Variants in SGMS1 observed in about 807,000 individuals in gnomAD.
SGMS1 encodes the protein sphingomyelin synthase 1.
A neutral mutation model predicts 46.2 loss-of-function variants in SGMS1; 13 were observed. The observed-to-expected ratio is 0.28, with a 90% CI of 0.18 to 0.45. SGMS1 has a LOEUF of 0.45. Among genes scored for constraint, SGMS1 ranks in the 20% least tolerant of loss-of-function variants. The pLI, the probability that SGMS1 is intolerant of heterozygous loss-of-function variation, is 1.00. For missense variants in SGMS1, 324 were observed against 519.9 expected (o/e 0.62, Z 3.66); for synonymous variants, 203 against 187.8 (o/e 1.08, Z -0.66).
intron 3 of SGMS1, among the ~76,000 whole-genome samples, chr10:50,507,934 A>G (rs1471888329): frequency 6.6e-6 from 1 of 152,174 alleles, no homozygotes; most frequent in Non-Finnish European, 1.5e-5. Flanking sequence ...CTCTGGTTAC[A>G]GTAAGCCTCA....
At chr10:50,443,097 G>A (rs950198716) in intron 5 of SGMS1, among the ~76,000 whole-genome samples, 1 of 152,144 alleles carries the variant, frequency 6.6e-6, no homozygotes, top group Non-Finnish European at 1.5e-5. Context: ...TTCCATAAAT[G>A]TATATAGGAA....
chr10:50,544,901 A>G (rs151147669), intron 2 of SGMS1, among the ~76,000 whole-genome samples: 12 of 152,302 alleles, frequency 7.9e-5, no homozygotes, highest in African/African-American at 2.9e-4. Context: ...ATGTGTTCCA[A>G]CTATTGATAC....
chr10:50,624,121 G>T, upstream of SGMS1: 1 of 985,426 alleles, frequency 1.0e-6, no homozygotes, highest in Non-Finnish European at 1.2e-6. Flanking sequence ...GACAGTCGCA[G>T]TTTGGGCCCC....
intron 3 of SGMS1, among the ~76,000 whole-genome samples, chr10:50,474,450 C>T (rs915881441): frequency 3.3e-5 from 5 of 152,118 alleles, no homozygotes; most frequent in African/African-American, 1.2e-4. Context: ...AATCTCAGTA[C>T]AGGCACCCTG....
chr10:50,565,852 A>T (rs951802405), intron 2 of SGMS1, among the ~76,000 whole-genome samples: 2 of 152,232 alleles, frequency 1.3e-5, no homozygotes, highest in African/African-American at 4.8e-5. Flanking sequence ...CGTGACGATC[A>T]GGTGCTCCCA....
At chr10:50,477,686 T>C (rs1196933336) in intron 3 of SGMS1, among the ~76,000 whole-genome samples, 1 of 152,144 alleles carries the variant, frequency 6.6e-6, no homozygotes, top group Non-Finnish European at 1.5e-5. Context: ...GGGTGTGGTT[T>C]CTAATGGTTT....
chr10:50,622,418 A>G (rs1320087789), intron 1 of SGMS1, among the ~76,000 whole-genome samples: 1 of 152,162 alleles, frequency 6.6e-6, no homozygotes, highest in Non-Finnish European at 1.5e-5. Flanking sequence ...CCCCAGTGCC[A>G]GGAAGCGTGG....
intron 6 of SGMS1, among the ~76,000 whole-genome samples, chr10:50,432,742 A>T (rs1480976055): frequency 6.6e-6 from 1 of 152,210 alleles, no homozygotes; most frequent in Non-Finnish European, 1.5e-5. Flanking sequence ...ACTTTCCACA[A>T]ACTTTAATTT....
chr10:50,491,801 C>T (rs1370774710), intron 3 of SGMS1, among the ~76,000 whole-genome samples: 6 of 152,148 alleles, frequency 3.9e-5, no homozygotes, highest in Non-Finnish European at 4.4e-5. Flanking sequence ...GGAGGTACTC[C>T]TCCCAAACTC....
At chr10:50,587,633 A>ATATATGTG (rs760688384) in intron 2 of SGMS1, among the ~76,000 whole-genome samples, 3 of 138,264 alleles carry the variant, frequency 2.2e-5, no homozygotes, top group South Asian at 2.4e-4. Context: ...CAAAATATAT[A>ATATATGTG]TGTGTGTGTG....
chr10:50,336,475 A>G (rs923204296), intron 7 of SGMS1, among the ~76,000 whole-genome samples: 5 of 152,164 alleles, frequency 3.3e-5, no homozygotes, highest in African/African-American at 1.2e-4. Flanking sequence ...AGCTAAGGGC[A>G]TTTTCTACAG....
intron 7 of SGMS1, among the ~76,000 whole-genome samples, chr10:50,337,851 G>T (rs1321002978): frequency 6.8e-6 from 1 of 146,986 alleles, no homozygotes; most frequent in Admixed American, 6.9e-5. Flanking sequence ...GCCCCCAAAA[G>T]GCTTATCAAA....
intron 1 of SGMS1, among the ~76,000 whole-genome samples, chr10:50,591,079 T>C (rs969510230): frequency 1.3e-5 from 2 of 152,124 alleles, no homozygotes; most frequent in East Asian, 3.8e-4. Flanking sequence ...TACACACAAG[T>C]TTGCGGCAAA....
intron 3 of SGMS1, among the ~76,000 whole-genome samples, chr10:50,513,872 C>A (rs1180160210): frequency 6.6e-6 from 1 of 152,114 alleles, no homozygotes; most frequent in African/African-American, 2.4e-5. Flanking sequence ...CAGGGACCAG[C>A]AGAGACTGTT....
intron 1 of SGMS1, among the ~76,000 whole-genome samples, chr10:50,616,578 T>C (rs1588893976): frequency 6.6e-6 from 1 of 151,696 alleles, no homozygotes; most frequent in Admixed American, 6.6e-5. Context: ...CGGCGGGGGG[T>C]GTTGTTATTC....
intron 2 of SGMS1, among the ~76,000 whole-genome samples, chr10:50,549,714 A>C (rs959355849): frequency 6.6e-6 from 1 of 152,208 alleles, no homozygotes; most frequent in Non-Finnish European, 1.5e-5. Flanking sequence ...AAAGGTAAAA[A>C]AAATTCAGAT....
chr10:50,569,587 G>A (rs918497557), intron 2 of SGMS1, among the ~76,000 whole-genome samples: 1 of 152,144 alleles, frequency 6.6e-6, no homozygotes, highest in Non-Finnish European at 1.5e-5. Flanking sequence ...TCATTTGTCT[G>A]CTTTGGTTTA....
At chr10:50,491,737 A>C (rs1167916093) in intron 3 of SGMS1, among the ~76,000 whole-genome samples, 1 of 152,184 alleles carries the variant, frequency 6.6e-6, no homozygotes, top group African/African-American at 2.4e-5. Context: ...TCTACCAGAG[A>C]TACAAAGAAA....
At chr10:50,606,620 C>T (rs181295391) in intron 1 of SGMS1, among the ~76,000 whole-genome samples, 9 of 152,354 alleles carry the variant, frequency 5.9e-5, no homozygotes, top group African/African-American at 2.2e-4. Flanking sequence ...TCAGCTTCCA[C>T]ACTTGGCGAA....
Sources: gnomAD v4.1 joint callset for allele counts (sites outside exome capture counted in the v4.1 genomes callset) on GRCh38, gnomAD v4.1.1 for gene constraint, MANE v1.5 for transcripts, NCBI Gene and HGNC (gene_info 2026-07-23, HGNC 2026-07-21) for gene names.